TCF4: variants seen among roughly 807,000 people sequenced by gnomAD.
TCF4 encodes the protein transcription factor 4.
A neutral mutation model predicts 82.1 loss-of-function variants in TCF4; 3 were observed. That is an observed-to-expected ratio of 0.04 (90% CI 0.02 to 0.09). TCF4 has a LOEUF of 0.09. Among genes scored for constraint, TCF4 ranks in the 10% least tolerant of loss-of-function variants. TCF4 has a pLI of 1.00. For missense variants in TCF4, 518 were observed against 852.7 expected (o/e 0.61, Z 4.89); for synonymous variants, 276 against 309.6 (o/e 0.89, Z 1.14).
At chr18:55,456,773 A>C (rs2095764195) in intron 5 of TCF4, among the ~76,000 whole-genome samples, 1 of 152,178 alleles carries the variant, frequency 6.6e-6, no homozygotes, top group South Asian at 2.1e-4. Flanking sequence ...ATAGCATATA[A>C]ATAACCCTCT....
intron 5 of TCF4, among the ~76,000 whole-genome samples, chr18:55,417,139 A>AT (rs1022664599): frequency 1.5e-4 from 23 of 152,190 alleles, no homozygotes; most frequent in African/African-American, 3.9e-4. Context: ...AGAATTACTT[A>AT]TTTTTTTTAT....
chr18:55,475,146 G>C (rs560343272), intron 3 of TCF4, among the ~76,000 whole-genome samples: 42 of 152,208 alleles, frequency 2.8e-4, no homozygotes, highest in Admixed American at 5.9e-4. Flanking sequence ...CTCCCTCTCC[G>C]GTAGAAGACA....
intron 8 of TCF4, among the ~76,000 whole-genome samples, chr18:55,325,589 ATATGGAAGG>A (rs2076412733): frequency 1.3e-5 from 2 of 152,366 alleles, no homozygotes; most frequent in South Asian, 4.1e-4. Context: ...AAGAATGGTC[ATATGGAAGG>A]AATTCCCATT....
chr18:55,246,729 A>T (rs1220777362), intron 15 of TCF4, among the ~76,000 whole-genome samples: 1 of 151,646 alleles, frequency 6.6e-6, no homozygotes, highest in African/African-American at 2.4e-5. Flanking sequence ...TTTCAGTTTT[A>T]AAAAAATAAA....
At chr18:55,508,644 G>T (rs1251662614) in intron 3 of TCF4, among the ~76,000 whole-genome samples, 2 of 152,152 alleles carry the variant, frequency 1.3e-5, no homozygotes, top group African/African-American at 4.8e-5. Context: ...GGTAGTAAGT[G>T]GTCGAGCTGA....
intron 3 of TCF4, among the ~76,000 whole-genome samples, chr18:55,472,055 G>C (rs1375426618): frequency 6.6e-6 from 1 of 152,168 alleles, no homozygotes; most frequent in Non-Finnish European, 1.5e-5. Flanking sequence ...CCATTAATAA[G>C]TCCTTTAAAA....
At chr18:55,273,863 T>C (rs759191896) in intron 10 of TCF4, among the ~76,000 whole-genome samples, 10 of 152,208 alleles carry the variant, frequency 6.6e-5, no homozygotes, top group African/African-American at 1.2e-4. Flanking sequence ...TTTGAAATTA[T>C]ACTTTTTGTG....
At chr18:55,315,026 C>T (rs2073732276) in intron 8 of TCF4, among the ~76,000 whole-genome samples, 1 of 152,102 alleles carries the variant, frequency 6.6e-6, no homozygotes, top group South Asian at 2.1e-4. Flanking sequence ...ATTCAACTCT[C>T]CCCACTCTCT....
At chr18:55,235,730 G>A (rs979118497) in intron 15 of TCF4, among the ~76,000 whole-genome samples, 2 of 152,116 alleles carry the variant, frequency 1.3e-5, no homozygotes, top group African/African-American at 4.8e-5. Flanking sequence ...TTAGCCTATG[G>A]TTAAGTGAGC....
intron 5 of TCF4, among the ~76,000 whole-genome samples, chr18:55,448,615 C>T (rs1267309909): frequency 6.6e-6 from 1 of 152,192 alleles, no homozygotes. Flanking sequence ...TTAGGGGAGG[C>T]ATCTATCTGT....
intron 6 of TCF4, among the ~76,000 whole-genome samples, chr18:55,353,224 G>C (rs926221996): frequency 2.0e-5 from 3 of 152,228 alleles, no homozygotes; most frequent in Admixed American, 6.5e-5. Context: ...ATTCACAATA[G>C]AGCTGTGAAA....
At chr18:55,275,486 C>T (rs1160219622) in intron 10 of TCF4, 133 bp downstream of exon 10, 2 of 1,164,492 alleles carry the variant, frequency 1.7e-6, no homozygotes, top group Non-Finnish European at 2.5e-6. Context: ...AGAAACAATA[C>T]AACTTAAGAA....
At chr18:55,266,460 C>A (rs1425414152) in intron 11 of TCF4, 1 of 152,136 alleles carries the variant, frequency 6.6e-6, no homozygotes, top group East Asian at 1.9e-4. Flanking sequence ...AGCTGAACTA[C>A]TGTGAATCCA....
chr18:55,278,502 G>C (rs1407588692), intron 9 of TCF4, among the ~76,000 whole-genome samples: 1 of 152,204 alleles, frequency 6.6e-6, no homozygotes, highest in Non-Finnish European at 1.5e-5. Context: ...CATTCTTGAA[G>C]TAGCTGCTAT....
At chr18:55,317,327 T>TA (rs1349270645) in intron 8 of TCF4, among the ~76,000 whole-genome samples, 1 of 152,070 alleles carries the variant, frequency 6.6e-6, no homozygotes, top group Admixed American at 6.5e-5. Flanking sequence ...TGCTGTGTAA[T>TA]AGCAAGTAAA....
rs185309624 is a variant in TCF4, at chr18:55,517,690, T to C, written c.146-53553A>G. Among the ~76,000 whole-genome samples the C allele has an allele frequency of 3.3e-5, 5 of 152,170 alleles. No homozygotes were observed. In the East Asian group the frequency reaches 9.6e-4, roughly 29 times the overall value. On this transcript the variant is annotated intron_variant, in intron 3 of 19. Transcript: ENST00000354452. ...AAACTAAAGGTGTCTTCAAATGAGA[T>C]GGGAAGGCTGAGGAAGAAAGTAAAT...
intron 3 of TCF4, among the ~76,000 whole-genome samples, chr18:55,566,209 C>A (rs2097405198): frequency 6.6e-6 from 1 of 151,362 alleles, no homozygotes. Context: ...CGAGATTCTG[C>A]CTCAAAAACT....
At chr18:55,437,128 T>A (rs1219475298) in intron 5 of TCF4, among the ~76,000 whole-genome samples, 2 of 152,238 alleles carry the variant, frequency 1.3e-5, no homozygotes, top group African/African-American at 2.4e-5. Context: ...TTACAAAAAA[T>A]AATGAATGGG....
rs1344379617 is a variant in TCF4, at chr18:55,429,778, A to AAC, written c.305-26261_305-26260insGT. Among the ~76,000 whole-genome samples, 232 of 151,058 alleles carry AAC rather than the reference A, an allele frequency of 1.5e-3. 5 individuals carry two copies. The East Asian group carries it at 0.034, about 22-fold the overall frequency. On this transcript the variant is annotated intron_variant, in intron 5 of 19. Coordinates refer to ENST00000354452, the MANE Select transcript of TCF4 (RefSeq NM_001083962.2). ...AGACTCCATCTCAAAAAAAAAAAAA[A>AAC]AAAAAAAAAAACAATTTGGTCAGTT...
Sources: allele counts gnomAD v4.1 joint callset (sites outside exome capture counted in the v4.1 genomes callset), GRCh38; gene constraint gnomAD v4.1.1; transcripts MANE v1.5; gene names NCBI Gene and HGNC (gene_info 2026-07-23, HGNC 2026-07-21).